The following CLASP1 variants were observed in gnomAD, a reference collection of about 807,000 sequenced individuals.
The protein encoded by CLASP1 is CLIP-associating protein 1.
In CLASP1, 38 loss-of-function variants were observed where a neutral mutation model predicts 192.3. That is an observed-to-expected ratio of 0.20 (90% confidence interval 0.15 to 0.26). The LOEUF is 0.26. CLASP1 is among the 10% of genes least tolerant of loss of function. The pLI is 1.00. For missense variants in CLASP1, 1,433 were observed against 1,932.5 expected, an observed-to-expected ratio of 0.74 and a Z score of 4.85; for synonymous variants, 691 against 712.8, an observed-to-expected ratio of 0.97 and a Z score of 0.49.
At chr2:121,630,424 A>ACG (rs1201469561) in intron 1 of CLASP1, among the ~76,000 whole-genome samples, 5 of 146,650 alleles carry the variant, frequency 3.4e-5, no homozygotes, top group Non-Finnish European at 7.6e-5. Flanking sequence ...ACACACACAC[A>ACG]CGCAGAAGCA....
At chr2:121,549,705 G>GAAAAAA (rs1553625623) in intron 2 of CLASP1, among the ~76,000 whole-genome samples, 1 of 76,740 alleles carries the variant, frequency 1.3e-5, no homozygotes, top group Non-Finnish European at 2.1e-5. Flanking sequence ...ACAATCCTCT[G>GAAAAAA]CAAAAAAAAA....
chr2:121,440,389 G>A (rs991527640), intron 19 of CLASP1, among the ~76,000 whole-genome samples: 1 of 152,130 alleles, frequency 6.6e-6, no homozygotes, highest in African/African-American at 2.4e-5. Flanking sequence ...GTAATTAGGG[G>A]AAAAAAGTTT....
rs114727340 is a variant in CLASP1 at position 121,373,223 on chromosome 2, G to A, written c.3642+4276C>T. 4.9e-3 allele frequency among the ~76,000 whole-genome samples: 752 copies of A among 152,076 alleles called. 9 individuals carry two copies. Among genetic ancestry groups the A allele is most frequent in the African/African-American group, 0.018 (726 of 41,460 alleles). On this transcript the variant is annotated intron_variant, in intron 34 of 39. Coordinates refer to ENST00000263710, the Ensembl canonical transcript of CLASP1. ...AGAAGTGTGTAGCACTTCCCCCTTC[G>A]CTCTCTCTCTTGCCTTGCCACCATG...
rs529432272 is a variant in CLASP1, at chr2:121,617,951, T to C, written c.-285-11771A>G. Among the ~76,000 whole-genome samples, 6 of 152,346 alleles carry C rather than the reference T, an allele frequency of 3.9e-5. No individual in the cohort carries two copies. In the South Asian group the frequency reaches 1.2e-3, roughly 32 times the overall value. On this transcript the variant is annotated intron_variant, in intron 1 of 39. Transcript: ENST00000263710. Reference sequence around the variant, plus strand: ...TACTACTTCAGGGCTTTTGCTTATGTTGTTCCTTCTGCCAAAAACTCTCCT... The same window carrying C: ...TACTACTTCAGGGCTTTTGCTTATGCTGTTCCTTCTGCCAAAAACTCTCCT...
At chr2:121,391,397 A>G (rs181617484) in intron 30 of CLASP1, among the ~76,000 whole-genome samples, 1 of 152,354 alleles carries the variant, frequency 6.6e-6, no homozygotes, top group East Asian at 1.9e-4. Flanking sequence ...AGAAGCAGAA[A>G]GTGCCTAAAC....
At chr2:121,471,830 T>C (rs72969331) in intron 8 of CLASP1, among the ~76,000 whole-genome samples, 6,345 of 152,288 alleles carry the variant, frequency 0.042, 170 homozygotes, top group East Asian at 0.14. Flanking sequence ...GATTCAGATG[T>C]ACAGTGCTCT....
intron 8 of CLASP1, among the ~76,000 whole-genome samples, chr2:121,487,235 G>A (rs1051101146): frequency 2.6e-5 from 4 of 151,998 alleles, no homozygotes; most frequent in African/African-American, 9.7e-5. Context: ...TCCCACTGAG[G>A]CCAACCTAAT....
At chr2:121,370,449 C>T (rs749280183) in intron 34 of CLASP1, among the ~76,000 whole-genome samples, 1 of 152,158 alleles carries the variant, frequency 6.6e-6, no homozygotes, top group African/African-American at 2.4e-5. Flanking sequence ...CCTCAGCCTC[C>T]CAAGGAGCTG....
chr2:121,631,629 G>A (rs544681850), intron 1 of CLASP1, among the ~76,000 whole-genome samples: 4 of 152,152 alleles, frequency 2.6e-5, no homozygotes, highest in Admixed American at 2.6e-4. Flanking sequence ...ACATATTGCA[G>A]GCCAGGCACA....
intron 14 of CLASP1, among the ~76,000 whole-genome samples, chr2:121,456,438 G>T (rs937490331): frequency 2.6e-5 from 4 of 151,046 alleles, no homozygotes; most frequent in Non-Finnish European, 5.9e-5. Flanking sequence ...AGGTTACAGT[G>T]TGCTGCACTC....
chr2:121,399,744 T>C (rs1053639352), intron 28 of CLASP1, among the ~76,000 whole-genome samples: 1 of 152,228 alleles, frequency 6.6e-6, no homozygotes, highest in Non-Finnish European at 1.5e-5. Flanking sequence ...GTCACAATTG[T>C]ATTCCTTAAT....
intron 19 of CLASP1, among the ~76,000 whole-genome samples, chr2:121,441,501 G>C (rs2083335561): frequency 6.6e-6 from 1 of 152,200 alleles, no homozygotes; most frequent in Non-Finnish European, 1.5e-5. Context: ...TGAGGCAGGA[G>C]GATGACTTGA....
chr2:121,632,834 T>C (rs988817667), intron 1 of CLASP1, among the ~76,000 whole-genome samples: 26 of 151,054 alleles, frequency 1.7e-4, no homozygotes, highest in African/African-American at 5.6e-4. Context: ...AGGTGGAGGT[T>C]GCGGTGAGCC....
At chr2:121,579,083 CCATGTCCTTAGACCGTCA>C (rs1336573937) in intron 2 of CLASP1, among the ~76,000 whole-genome samples, 3 of 152,200 alleles carry the variant, frequency 2.0e-5, no homozygotes, top group African/African-American at 7.2e-5. Context: ...ACAGTATTAT[CCATGTCCTTAGACCGTCA>C]CATCATAACA....
chr2:121,400,417 T>C (rs140012397), intron 28 of CLASP1, among the ~76,000 whole-genome samples: 3 of 152,234 alleles, frequency 2.0e-5, no homozygotes, highest in Non-Finnish European at 2.9e-5. Flanking sequence ...GTCAGAGTCA[T>C]GTAAAAGCTG....
intron 26 of CLASP1, 134 bp downstream of exon 27, chr2:121,404,237 G>C: frequency 1.4e-6 from 2 of 1,432,894 alleles, no homozygotes; most frequent in South Asian, 3.1e-5. Flanking sequence ...ACATACACTA[G>C]TGCTGAAACC....
At chr2:121,373,601 T>C (rs1226562535) in intron 34 of CLASP1, among the ~76,000 whole-genome samples, 3 of 152,142 alleles carry the variant, frequency 2.0e-5, no homozygotes, top group East Asian at 1.9e-4. Flanking sequence ...AAAATGCTAA[T>C]AGTGATATGG....
At chr2:121,357,591 C>T (rs1326031026) in intron 37 of CLASP1, among the ~76,000 whole-genome samples, 2 of 152,172 alleles carry the variant, frequency 1.3e-5, no homozygotes, top group African/African-American at 2.4e-5. Context: ...AACTAAAGGG[C>T]AGGTGTCACA....
At chr2:121,644,752 G>A (rs1172110395) in intron 1 of CLASP1, among the ~76,000 whole-genome samples, 1 of 152,120 alleles carries the variant, frequency 6.6e-6, no homozygotes, top group Middle Eastern at 3.2e-3. Context: ...AGACCAGCAT[G>A]GGCAACATGG....
Sources: gnomAD v4.1 joint callset for allele counts (sites outside exome capture counted in the v4.1 genomes callset) on GRCh38, gnomAD v4.1.1 for gene constraint, MANE v1.5 for transcripts, NCBI Gene and HGNC (gene_info 2026-07-23, HGNC 2026-07-21) for gene names.